TTLL9: variants seen among roughly 807,000 people sequenced by gnomAD.
TTLL9 encodes tubulin tyrosine ligase like 9, also known as probable tubulin polyglutamylase TTLL9.
TTLL9 carries 47 observed loss-of-function variants against 65.6 expected under a neutral mutation model. That is an observed-to-expected ratio of 0.72 (90% confidence interval 0.57 to 0.91). The LOEUF (loss-of-function observed/expected upper bound fraction) is 0.91. Among genes scored for constraint, TTLL9 ranks in the 40% least tolerant of loss-of-function variants. The pLI, the probability that TTLL9 is intolerant of heterozygous loss-of-function variation, is 0.00. For synonymous variants in TTLL9, 179 were observed against 204.8 expected (o/e 0.87, Z 1.07); for missense variants, 537 against 568.8 (o/e 0.94, Z 0.57).
At chr20:31,905,296 A>G (rs1273878631) in intron 4 of TTLL9, among the ~76,000 whole-genome samples, 2 of 151,788 alleles carry the variant, frequency 1.3e-5, no homozygotes, top group African/African-American at 2.4e-5. Flanking sequence ...GCTGGTCTCA[A>G]ACTCCTGACC....
At chr20:31,873,946 CA>C (rs1329276581) in intron 2 of TTLL9, among the ~76,000 whole-genome samples, 1 of 152,212 alleles carries the variant, frequency 6.6e-6, no homozygotes, top group Non-Finnish European at 1.5e-5. Context: ...CTGGCCTTAG[CA>C]GCTCTGCGAT....
At chr20:31,893,928 G>A (rs1235071558) in intron 3 of TTLL9, among the ~76,000 whole-genome samples, 5 of 151,838 alleles carry the variant, frequency 3.3e-5, no homozygotes, top group Non-Finnish European at 5.9e-5. Context: ...GAGTCACTGA[G>A]GTTCTGTTCA....
chr20:31,928,424 A>G (rs1012787289), intron 10 of TTLL9, among the ~76,000 whole-genome samples: 5 of 151,980 alleles, frequency 3.3e-5, no homozygotes, highest in Non-Finnish European at 5.9e-5. Flanking sequence ...CCACATTCGC[A>G]TCAGATATTA....
intron 10 of TTLL9, among the ~76,000 whole-genome samples, chr20:31,926,480 C>G (rs999718532): frequency 6.6e-6 from 1 of 152,042 alleles, no homozygotes; most frequent in Non-Finnish European, 1.5e-5. Context: ...TGAAGACAAT[C>G]TAGCAAAGAT....
intron 2 of TTLL9, among the ~76,000 whole-genome samples, chr20:31,872,259 G>C (rs2062946356): frequency 6.6e-6 from 1 of 152,210 alleles, no homozygotes; most frequent in Admixed American, 6.5e-5. Flanking sequence ...GCTGTTTAAA[G>C]AGTGGAAAGC....
intron 9 of TTLL9, 95 bp downstream of exon 9, chr20:31,925,144 A>G: frequency 7.5e-7 from 1 of 1,334,946 alleles, no homozygotes; most frequent in Non-Finnish European, 1.1e-6. Context: ...ACCTTGTGTG[A>G]GCTTGTCTGG....
intron 2 of TTLL9, among the ~76,000 whole-genome samples, chr20:31,880,064 G>GA (rs975261836): frequency 2.0e-5 from 3 of 151,968 alleles, no homozygotes; most frequent in South Asian, 2.1e-4. Flanking sequence ...AAAACAGGAA[G>GA]AAAAAAAGCC....
intron 3 of TTLL9, among the ~76,000 whole-genome samples, chr20:31,888,420 G>A (rs1261498633): frequency 6.6e-6 from 1 of 152,140 alleles, no homozygotes; most frequent in Non-Finnish European, 1.5e-5. Context: ...CACTTAACAG[G>A]CCTGTGTTAG....
chr20:31,917,473 C>G (rs2063752716), intron 6 of TTLL9, among the ~76,000 whole-genome samples: 1 of 152,118 alleles, frequency 6.6e-6, no homozygotes, highest in South Asian at 2.1e-4. Flanking sequence ...TATGATAGTG[C>G]TGCTGTGGGT....
intron 2 of TTLL9, among the ~76,000 whole-genome samples, chr20:31,885,076 A>T (rs1159209423): frequency 6.6e-6 from 1 of 152,244 alleles, no homozygotes; most frequent in African/African-American, 2.4e-5. Flanking sequence ...ATTAATGGAG[A>T]GACCATATTA....
At chr20:31,909,948 G>A in intron 6 of TTLL9, 26 bp downstream of exon 6, 2 of 1,540,440 alleles carry the variant, frequency 1.3e-6, no homozygotes, top group Non-Finnish European at 1.8e-6. Flanking sequence ...CAGGGGCTGG[G>A]TGGGAGGGAA....
At chr20:31,906,865 G>T (rs909430606) in intron 4 of TTLL9, among the ~76,000 whole-genome samples, 5 of 152,074 alleles carry the variant, frequency 3.3e-5, no homozygotes, top group Admixed American at 2.0e-4. Context: ...GGCCAGGCTG[G>T]TCTCAAACTC....
intron 6 of TTLL9, among the ~76,000 whole-genome samples, chr20:31,914,285 A>G (rs1297535375): frequency 6.6e-6 from 1 of 152,206 alleles, no homozygotes; most frequent in Non-Finnish European, 1.5e-5. Flanking sequence ...AGACTTCTGT[A>G]CTGTTTTTAT....
intron 6 of TTLL9, among the ~76,000 whole-genome samples, chr20:31,912,825 T>A (rs1967912293): frequency 6.6e-6 from 1 of 152,096 alleles, no homozygotes; most frequent in Admixed American, 6.6e-5. Flanking sequence ...ACTGATTAAA[T>A]GAAGCCCCTC....
chr20:31,871,817 C>G (rs2062937658), intron 2 of TTLL9, among the ~76,000 whole-genome samples: 3 of 151,788 alleles, frequency 2.0e-5, no homozygotes, highest in Admixed American at 2.0e-4. Flanking sequence ...CCAGCATTGT[C>G]CAAATGAAAT....
Position 31,870,783 on chromosome 20 carries a change from C to T in TTLL9, c.-172C>T. The T allele has an allele frequency of 2.0e-6, 1 of 489,362 alleles. No homozygotes were observed. Among genetic ancestry groups the T allele is most frequent in the Non-Finnish European group, 3.5e-6 (1 of 287,274 alleles). The allele number at this position is 489,362 out of a possible 1,614,324, so 30.3% of individuals were successfully genotyped here. A position where few individuals can be genotyped will look rare whatever the true frequency, so the allele number is the denominator to read the frequency against. ...GGGATGTCGCCTAGAGCCCCCCGGCCGGCCCACAAACTCCCGTCCCCCTTC... is the reference window on the plus strand; with the variant it reads ...GGGATGTCGCCTAGAGCCCCCCGGCTGGCCCACAAACTCCCGTCCCCCTTC... On this transcript the variant is annotated 5_prime_UTR_variant, in exon 1 of 15. Transcript: ENST00000535842. The surrounding 1 kb of genome is among the most constrained non-coding windows in gnomAD (Gnocchi z 6.6).
At chr20:31,916,238 T>C (rs1202230675) in intron 6 of TTLL9, among the ~76,000 whole-genome samples, 1 of 152,232 alleles carries the variant, frequency 6.6e-6, no homozygotes, top group Non-Finnish European at 1.5e-5. Context: ...TTTTATGACC[T>C]GGCATTGGAA....
chr20:31,943,846 G>C lies in TTLL9; in HGVS notation c.*825G>C. The C allele has an allele frequency of 2.2e-6, 1 of 456,592 alleles. No homozygotes were observed. Among genetic ancestry groups the C allele is most frequent in the Non-Finnish European group, 4.4e-6 (1 of 226,948 alleles). The allele number at this position is 456,592 out of a possible 1,614,324, so 28.3% of individuals were successfully genotyped here. Reference sequence around the variant, plus strand: ...GGCAGGACAGCTTCGGGAGTTGAGTGTGAGTAAAAATCTGCCTTTTCACAT... The same window carrying C: ...GGCAGGACAGCTTCGGGAGTTGAGTCTGAGTAAAAATCTGCCTTTTCACAT... On this transcript the variant is annotated 3_prime_UTR_variant, in exon 15 of 15. Transcript: ENST00000535842.
chr20:31,912,363 C>T (rs1300636477), intron 6 of TTLL9, among the ~76,000 whole-genome samples: 5 of 152,100 alleles, frequency 3.3e-5, no homozygotes, highest in Non-Finnish European at 2.9e-5. Flanking sequence ...CAGGACATGC[C>T]AGTGCTGCTG....
Sources: allele counts gnomAD v4.1 joint callset (sites outside exome capture counted in the v4.1 genomes callset), GRCh38; gene constraint gnomAD v4.1.1; non-coding constraint Gnocchi (gnomAD v3.1); transcripts MANE v1.5; gene names NCBI Gene and HGNC (gene_info 2026-07-23, HGNC 2026-07-21).